The following HPSE2 variants were observed in gnomAD, a reference collection of about 807,000 sequenced individuals.
HPSE2 encodes inactive heparanase-2.
In HPSE2, 38 loss-of-function variants were observed where a neutral mutation model predicts 60.5. The observed-to-expected ratio is 0.63, with a 90% CI of 0.48 to 0.82. The LOEUF is 0.82. Among genes scored for constraint, HPSE2 ranks in the 40% least tolerant of loss-of-function variants. HPSE2 has a pLI of 0.00. For synonymous variants in HPSE2, 295 were observed against 293.2 expected (o/e 1.01, Z -0.06); for missense variants, 713 against 740.4 (o/e 0.96, Z 0.43).
chr10:98,859,224 G>T, intron 3 of HPSE2, among the ~76,000 whole-genome samples: 1 of 152,198 alleles, frequency 6.6e-6, no homozygotes, highest in South Asian at 2.1e-4. Context: ...TCACAGCAAA[G>T]TTGAGTAGTT....
At chr10:98,477,999 G>C (rs111418126) in intron 11 of HPSE2, among the ~76,000 whole-genome samples, 3,088 of 152,194 alleles carry the variant, frequency 0.02, 86 homozygotes, top group African/African-American at 0.067. Context: ...CCACCCCCAA[G>C]CCCCCAACAG....
the HPSE2 span, among the ~76,000 whole-genome samples, chr10:99,312,634 T>C: frequency 6.6e-6 from 1 of 152,240 alleles, no homozygotes; most frequent in Non-Finnish European, 1.5e-5. Flanking sequence ...AGAGCTCTGA[T>C]GCAGATGTAC....
intron 9 of HPSE2, among the ~76,000 whole-genome samples, chr10:98,600,911 G>GTATATATGTGTGTGTGTATA (rs576143051): frequency 0.042 from 3,110 of 73,318 alleles, 65 homozygotes; most frequent in South Asian, 0.12. Context: ...ATGTGTGTGT[G>GTATATATGTGTGTGTGTATA]TATATATATA....
intron 3 of HPSE2, among the ~76,000 whole-genome samples, chr10:98,958,100 A>T (rs1955554605): frequency 2.6e-5 from 4 of 152,096 alleles, no homozygotes; most frequent in Admixed American, 2.6e-4. Flanking sequence ...GATGGATCTA[A>T]ATTCCCAAGA....
chr10:99,183,489 T>C (rs1847856138), intron 2 of HPSE2, among the ~76,000 whole-genome samples: 1 of 152,176 alleles, frequency 6.6e-6, no homozygotes, highest in South Asian at 2.1e-4. Context: ...CAAAAAAGTA[T>C]CAAAGAACAG....
intron 3 of HPSE2, among the ~76,000 whole-genome samples, chr10:98,952,154 A>G (rs1252794354): frequency 1.3e-5 from 2 of 152,206 alleles, no homozygotes; most frequent in African/African-American, 2.4e-5. Context: ...TCATGGTCAG[A>G]AAAGAATAAT....
chr10:98,696,933 C>T (rs1040732083), intron 5 of HPSE2, among the ~76,000 whole-genome samples: 6 of 152,106 alleles, frequency 3.9e-5, no homozygotes, highest in Non-Finnish European at 7.4e-5. Context: ...GAAAAACAAA[C>T]AAACAGAAGC....
chr10:99,126,731 C>T lies in HPSE2; in HGVS notation c.610+17507G>A, dbSNP rs898402458. Among the ~76,000 whole-genome samples, 1 of 152,210 alleles carries T rather than the reference C, an allele frequency of 6.6e-6. No homozygotes were observed. Among genetic ancestry groups the T allele is most frequent in the African/African-American group, 2.4e-5 (1 of 41,456 alleles). ...CTAAACATAGCTACAACTAAGGACC[C>T]TGACACAGTCTAGTTTACTCCCCTG... On this transcript the variant is annotated intron_variant, in intron 3 of 11. Transcript: ENST00000370552. This position sits in a 1 kb window ranked among gnomAD's most constrained non-coding sequence, Gnocchi z 4.0.
At position 98,870,466 on chromosome 10, in the gene HPSE2, C is replaced by T. The variant is rs557656636; in HGVS notation, c.611-126410G>A. On this transcript the variant is annotated intron_variant, in intron 3 of 11. Transcript: ENST00000370552. ...TGTTGCCTATCTTTGGTAGAGCTGA[C>T]AACTCTGTGAACAAAAGGCCACTGG... Among the ~76,000 whole-genome samples, 15 of 151,962 alleles carry T rather than the reference C, an allele frequency of 9.9e-5. No individual in the cohort carries two copies. The South Asian group carries it at 3.1e-3, about 32-fold the overall frequency.
chr10:99,217,349 T>C (rs1362181090), intron 2 of HPSE2, among the ~76,000 whole-genome samples: 1 of 151,888 alleles, frequency 6.6e-6, no homozygotes, highest in South Asian at 2.1e-4. Context: ...ATTAAAACTT[T>C]AGGCATTTTT....
chr10:99,132,149 GAAA>G (rs1564832347), intron 3 of HPSE2, among the ~76,000 whole-genome samples: 1 of 89,474 alleles, frequency 1.1e-5, no homozygotes, highest in East Asian at 3.0e-4. Context: ...AAGAAAGGAA[GAAA>G]GAAAGAAAGA....
At chr10:99,113,590 T>C (rs185987637) in intron 3 of HPSE2, among the ~76,000 whole-genome samples, 1 of 152,310 alleles carries the variant, frequency 6.6e-6, no homozygotes, top group Admixed American at 6.5e-5. Flanking sequence ...TTTTTAAAAT[T>C]TGTTTTACTT....
At chr10:98,581,612 G>A (rs1944800145) in intron 9 of HPSE2, among the ~76,000 whole-genome samples, 1 of 152,174 alleles carries the variant, frequency 6.6e-6, no homozygotes, top group Non-Finnish European at 1.5e-5. Flanking sequence ...ATGCAACTGT[G>A]GCATCCCACG....
chr10:98,906,971 AT>A (rs1227718025), intron 3 of HPSE2, among the ~76,000 whole-genome samples: 1 of 152,152 alleles, frequency 6.6e-6, no homozygotes, highest in Non-Finnish European at 1.5e-5. Context: ...ATTTACTATT[AT>A]GCCAATAACA....
Position 98,565,423 on chromosome 10 carries a change from G to A in HPSE2, c.1320+49481C>T, listed in dbSNP as rs137907647. Among the ~76,000 whole-genome samples, 253 of 152,166 alleles carry A rather than the reference G, an allele frequency of 1.7e-3. 1 individual carries two copies. Among genetic ancestry groups the A allele is most frequent in the African/African-American group, 5.9e-3 (246 of 41,502 alleles). The stretch of plus-strand genomic sequence containing the variant: ...CTCCCACTTATGAATGAGAACATGC[G>A]GTGTTTGGTTTTCTGCTCCTGGGTT... On this transcript the variant is annotated intron_variant, in intron 9 of 11. Coordinates refer to ENST00000370552, the MANE Select transcript of HPSE2 (RefSeq NM_021828.5).
intron 3 of HPSE2, among the ~76,000 whole-genome samples, chr10:99,042,713 C>T (rs1187732746): frequency 4.0e-5 from 6 of 151,746 alleles, no homozygotes; most frequent in African/African-American, 1.5e-4. Context: ...CAGAGAGAGC[C>T]CCGTGGCCCC....
intron 9 of HPSE2, among the ~76,000 whole-genome samples, chr10:98,601,828 A>G (rs1945436219): frequency 6.6e-6 from 1 of 152,158 alleles, no homozygotes; most frequent in Non-Finnish European, 1.5e-5. Context: ...AGGGAAACTG[A>G]TGCAAATATG....
chr10:98,666,842 A>G (rs1191296045), intron 6 of HPSE2, among the ~76,000 whole-genome samples: 1 of 152,130 alleles, frequency 6.6e-6, no homozygotes, highest in Non-Finnish European at 1.5e-5. Context: ...AAAAATTTCA[A>G]ATTAATAAGC....
intron 3 of HPSE2, among the ~76,000 whole-genome samples, chr10:99,007,420 A>G (rs1334403438): frequency 6.6e-6 from 1 of 152,186 alleles, no homozygotes; most frequent in Non-Finnish European, 1.5e-5. Flanking sequence ...CAGGTGATGT[A>G]AAACTGTCTT....
Sources: allele counts gnomAD v4.1 joint callset (sites outside exome capture counted in the v4.1 genomes callset), GRCh38; gene constraint gnomAD v4.1.1; non-coding constraint Gnocchi (gnomAD v3.1); transcripts MANE v1.5; gene names NCBI Gene and HGNC (gene_info 2026-07-23, HGNC 2026-07-21).